NXPH1: variants seen among roughly 807,000 people sequenced by gnomAD.
The protein encoded by NXPH1 is neurexophilin 1, also known as neurexophilin-1.
In NXPH1, 5 loss-of-function variants were observed where a neutral mutation model predicts 23.7. The ratio of observed to expected loss-of-function variants is 0.21; its 90% confidence interval spans 0.11 to 0.44. The LOEUF is 0.44. NXPH1 is among the 20% of genes least tolerant of loss of function. NXPH1 has a pLI of 0.99. For synonymous variants in NXPH1, 144 were observed against 122.2 expected (o/e 1.18, Z -1.18); for missense variants, 324 against 321.6 (o/e 1.01, Z -0.06).
At chr7:8,596,760 G>T (rs1476339257) in intron 2 of NXPH1, among the ~76,000 whole-genome samples, 2 of 152,060 alleles carry the variant, frequency 1.3e-5, no homozygotes. Flanking sequence ...GTTGATAAAG[G>T]CTGATGTTAG....
intron 2 of NXPH1, among the ~76,000 whole-genome samples, chr7:8,465,705 C>A (rs1228724733): frequency 6.6e-6 from 1 of 152,148 alleles, no homozygotes; most frequent in Non-Finnish European, 1.5e-5. Flanking sequence ...ATTATTTAAA[C>A]CACTTAAAGA....
At chr7:8,681,057 G>A (rs866824732) in intron 2 of NXPH1, among the ~76,000 whole-genome samples, 4 of 152,328 alleles carry the variant, frequency 2.6e-5, no homozygotes, top group South Asian at 4.1e-4. Flanking sequence ...CAGAGCCAGC[G>A]CTAATGTCCG....
intron 2 of NXPH1, among the ~76,000 whole-genome samples, chr7:8,518,819 T>C (rs1817726617): frequency 6.6e-6 from 1 of 152,176 alleles, no homozygotes; most frequent in Non-Finnish European, 1.5e-5. Flanking sequence ...TGGAGCCACA[T>C]AAGCTTGTGC....
At chr7:8,716,841 C>T (rs1432315007) in intron 2 of NXPH1, among the ~76,000 whole-genome samples, 3 of 152,180 alleles carry the variant, frequency 2.0e-5, no homozygotes, top group Admixed American at 2.0e-4. Flanking sequence ...TCTTCCCCTA[C>T]AATCCTTTCC....
chr7:8,728,841 A>G (rs915822244), intron 2 of NXPH1, among the ~76,000 whole-genome samples: 1 of 152,154 alleles, frequency 6.6e-6, no homozygotes, highest in African/African-American at 2.4e-5. Flanking sequence ...TATCAGGATG[A>G]TGCTGGCCTC....
At chr7:8,569,454 A>T (rs60646563) in intron 2 of NXPH1, among the ~76,000 whole-genome samples, 50,223 of 151,780 alleles carry the variant, frequency 0.33, 9,934 homozygotes, top group African/African-American at 0.56. Flanking sequence ...ATAATCTTAT[A>T]ACTATTTTAA....
intron 2 of NXPH1, among the ~76,000 whole-genome samples, chr7:8,687,435 A>T (rs1241621032): frequency 6.6e-6 from 1 of 152,194 alleles, no homozygotes; most frequent in East Asian, 1.9e-4. Flanking sequence ...AGCTTGTGAA[A>T]AGTCAACATG....
At chr7:8,499,973 G>C (rs554769476) in intron 2 of NXPH1, among the ~76,000 whole-genome samples, 6 of 152,110 alleles carry the variant, frequency 3.9e-5, no homozygotes, top group African/African-American at 1.4e-4. Context: ...TATCCTTTAT[G>C]GTTTGTTTTG....
At chr7:8,648,220 A>G (rs4644147) in intron 2 of NXPH1, among the ~76,000 whole-genome samples, 106,614 of 151,758 alleles carry the variant, frequency 0.7, 38,263 homozygotes, top group East Asian at 1. Context: ...ATTTTTGACT[A>G]TAGTCACCCT....
At chr7:8,731,654 G>C (rs1431341890) in intron 2 of NXPH1, among the ~76,000 whole-genome samples, 5 of 152,188 alleles carry the variant, frequency 3.3e-5, no homozygotes, top group East Asian at 1.9e-4. Flanking sequence ...AGGCTGCTCG[G>C]GGGTCAGGGG....
At position 8,752,076 on chromosome 7, in the gene NXPH1, G is replaced by A. The variant is rs893382755; in HGVS notation, c.*307G>A. On this transcript the variant is annotated 3_prime_UTR_variant, in exon 3 of 3. Coordinates refer to ENST00000405863, the MANE Select transcript of NXPH1 (RefSeq NM_152745.3). ...GCTTGCGTCTATCATGATTCCTGTTGAGAGGGCTTTCATTGTCTGACTCAT... is the reference window on the plus strand; with the variant it reads ...GCTTGCGTCTATCATGATTCCTGTTAAGAGGGCTTTCATTGTCTGACTCAT... 3 of 265,258 alleles carry A rather than the reference G, an allele frequency of 1.1e-5. No homozygotes were observed. The highest frequency in any genetic ancestry group is 1.3e-3 in the Middle Eastern group (1 of 794). The allele number at this position is 265,258 out of a possible 1,614,324, so 16.4% of individuals were successfully genotyped here.
At chr7:8,741,130 G>A (rs1188692349) in intron 2 of NXPH1, among the ~76,000 whole-genome samples, 1 of 152,120 alleles carries the variant, frequency 6.6e-6, no homozygotes. Flanking sequence ...CCACATACAA[G>A]TGAGATCATG....
intron 2 of NXPH1, among the ~76,000 whole-genome samples, chr7:8,651,741 T>C (rs1820495006): frequency 6.6e-6 from 1 of 152,238 alleles, no homozygotes; most frequent in African/African-American, 2.4e-5. Context: ...TTATCCTATG[T>C]TATGATACAT....
chr7:8,594,727 T>C (rs1819180686), intron 2 of NXPH1, among the ~76,000 whole-genome samples: 1 of 152,012 alleles, frequency 6.6e-6, no homozygotes. Context: ...GGAAGTCGAC[T>C]TGACTTTACT....
At chr7:8,562,475 C>T (rs1196852453) in intron 2 of NXPH1, among the ~76,000 whole-genome samples, 1 of 150,850 alleles carries the variant, frequency 6.6e-6, no homozygotes, top group Non-Finnish European at 1.5e-5. Context: ...TCCTTTTCCT[C>T]TATAACTCTG....
chr7:8,710,901 A>G (rs1193821573), intron 2 of NXPH1, among the ~76,000 whole-genome samples: 1 of 114,908 alleles, frequency 8.7e-6, no homozygotes. Flanking sequence ...TGACCTCATG[A>G]TCCACCCGCC....
chr7:8,647,761 A>G (rs1036647914), intron 2 of NXPH1, among the ~76,000 whole-genome samples: 16 of 148,754 alleles, frequency 1.1e-4, no homozygotes, highest in African/African-American at 3.5e-4. Context: ...TCACTGATTC[A>G]ATTTTCTTAA....
chr7:8,672,886 T>C (rs1820893184), intron 2 of NXPH1, among the ~76,000 whole-genome samples: 1 of 152,190 alleles, frequency 6.6e-6, no homozygotes, highest in African/African-American at 2.4e-5. Flanking sequence ...CCCTGTGTGC[T>C]GCTAAGGGAA....
chr7:8,749,431 G>A (rs775437404), intron 2 of NXPH1, among the ~76,000 whole-genome samples: 17 of 152,268 alleles, frequency 1.1e-4, no homozygotes, highest in Non-Finnish European at 2.1e-4. Flanking sequence ...GATTGAGAGC[G>A]CATCCTTTCA....
Sources: gnomAD v4.1 joint callset for allele counts (sites outside exome capture counted in the v4.1 genomes callset) on GRCh38, gnomAD v4.1.1 for gene constraint, MANE v1.5 for transcripts, NCBI Gene and HGNC (gene_info 2026-07-23, HGNC 2026-07-21) for gene names.